The following COL19A1 variants were observed in gnomAD, a reference collection of about 807,000 sequenced individuals.
COL19A1 encodes the protein collagen alpha-1(XIX) chain.
In COL19A1, 159 loss-of-function variants were observed where a neutral mutation model predicts 190.2. That is an observed-to-expected ratio of 0.84 (90% CI 0.73 to 0.95). The LOEUF (loss-of-function observed/expected upper bound fraction) is 0.95. Ranked by LOEUF, COL19A1 falls within the 40% of genes least tolerant of loss-of-function variation. The pLI, the probability that COL19A1 is intolerant of heterozygous loss-of-function variation, is 0.00. For synonymous variants in COL19A1, 509 were observed against 458.9 expected, an observed-to-expected ratio of 1.11 and a Z score of -1.39; for missense variants, 1,418 against 1,431.9, an observed-to-expected ratio of 0.99 and a Z score of 0.16.
At chr6:70,132,521 G>A (rs1266891569) in intron 18 of COL19A1, among the ~76,000 whole-genome samples, 1 of 152,156 alleles carries the variant, frequency 6.6e-6, no homozygotes, top group African/African-American at 2.4e-5. Context: ...AAATTATAAT[G>A]TAATTTAATG....
At chr6:70,091,501 G>A (rs895714525) in intron 15 of COL19A1, among the ~76,000 whole-genome samples, 5 of 152,098 alleles carry the variant, frequency 3.3e-5, no homozygotes, top group Admixed American at 2.0e-4. Flanking sequence ...GCACATGCCA[G>A]CTGAAAGTGG....
intron 9 of COL19A1, among the ~76,000 whole-genome samples, chr6:69,945,744 T>C (rs1315578133): frequency 6.6e-6 from 1 of 152,030 alleles, no homozygotes; most frequent in East Asian, 1.9e-4. Flanking sequence ...AGGTGAAATT[T>C]ACTTGTGGGT....
At chr6:69,921,685 C>T (rs981153031) in intron 4 of COL19A1, among the ~76,000 whole-genome samples, 1 of 140,982 alleles carries the variant, frequency 7.1e-6, no homozygotes, top group Admixed American at 7.3e-5. Flanking sequence ...CGTATATATT[C>T]GTATGTAGAT....
chr6:70,031,144 T>G (rs769668019), intron 12 of COL19A1, among the ~76,000 whole-genome samples: 1 of 152,116 alleles, frequency 6.6e-6, no homozygotes, highest in Non-Finnish European at 1.5e-5. Context: ...CCCCTACTCC[T>G]TACCTGTGTG....
chr6:70,092,456 G>A (rs1782990705), intron 15 of COL19A1, among the ~76,000 whole-genome samples: 2 of 152,076 alleles, frequency 1.3e-5, no homozygotes, highest in Non-Finnish European at 2.9e-5. Context: ...AACACAGCAG[G>A]TAAAACAGAC....
At chr6:70,155,901 A>G (rs1194734298) in intron 31 of COL19A1, among the ~76,000 whole-genome samples, 2 of 152,154 alleles carry the variant, frequency 1.3e-5, no homozygotes, top group East Asian at 1.9e-4. Context: ...TAAAAATAAA[A>G]GTTCATCAAT....
Position 69,929,682 on chromosome 6 carries a change from A to C in COL19A1, c.648A>C (p.Ser216=), listed in dbSNP as rs1772627990. The change falls in exon 6 of 51, where the codon TCA becomes TCC. Residue 216 remains serine (S), a synonymous_variant. Transcript: ENST00000620364. ...GGACAGTTATTGCTACGCGAGCTTC[A>C]GATGGCAAGCCTGTGGATGTAAGTT... is the stretch of plus-strand genomic sequence containing the variant. The part of the protein sequence containing the change: ...HGRTVIATRA[S]DGKPVDIELH... 6.2e-7 allele frequency: 1 copy of C among 1,612,956 alleles called. No homozygotes were observed. The highest frequency in any genetic ancestry group is 1.7e-5 in the Admixed American group (1 of 59,942).
chr6:70,098,395 T>C, intron 15 of COL19A1: 1 of 509,350 alleles, frequency 2.0e-6, no homozygotes, highest in Non-Finnish European at 3.9e-6. Context: ...ATTCTTAAGA[T>C]AAACTGGATG....
At chr6:70,176,365 C>T (rs1023147214) in intron 41 of COL19A1, among the ~76,000 whole-genome samples, 155 bp from the exon 42 acceptor site, 3 of 151,746 alleles carry the variant, frequency 2.0e-5, no homozygotes, top group Admixed American at 1.3e-4. Flanking sequence ...GCTATTTTTC[C>T]ATCTACACAC....
intron 11 of COL19A1, among the ~76,000 whole-genome samples, chr6:69,977,007 A>C (rs1023275064): frequency 6.6e-6 from 1 of 152,188 alleles, no homozygotes; most frequent in Non-Finnish European, 1.5e-5. Context: ...CAGTGTGGCG[A>C]TTCCTCAGGG....
intron 12 of COL19A1, 88 bp downstream of exon 12, chr6:70,023,768 G>A (rs1778580631): frequency 5.8e-6 from 7 of 1,210,134 alleles, no homozygotes; most frequent in Non-Finnish European, 8.1e-6. Flanking sequence ...CCTATTTTTG[G>A]CAGAGCCAGC....
At position 70,003,672 on chromosome 6, in the gene COL19A1, G is replaced by C. The variant is rs533565106; in HGVS notation, c.1027-19955G>C. ...TTTAATCGTAGTTGGTTTAAAGTCTGTTTTGTCAGACTAGGATTGCAACCC... is the reference window on the plus strand; with the variant it reads ...TTTAATCGTAGTTGGTTTAAAGTCTCTTTTGTCAGACTAGGATTGCAACCC... On this transcript the variant is annotated intron_variant, in intron 11 of 50. Coordinates refer to ENST00000620364, the MANE Select transcript of COL19A1 (RefSeq NM_001858.6). Among the ~76,000 whole-genome samples the C allele has an allele frequency of 6.8e-4, 104 of 151,900 alleles. 1 individual carries two copies. Among genetic ancestry groups the C allele is most frequent in the African/African-American group, 2.5e-3 (102 of 41,398 alleles).
intron 16 of COL19A1, among the ~76,000 whole-genome samples, chr6:70,108,906 T>A (rs1286758412): frequency 6.6e-6 from 1 of 152,128 alleles, no homozygotes; most frequent in African/African-American, 2.4e-5. Flanking sequence ...CAATTATACA[T>A]CAGTTTGCAC....
At chr6:70,138,752 T>C (rs535068338) in intron 19 of COL19A1, among the ~76,000 whole-genome samples, 1 of 152,238 alleles carries the variant, frequency 6.6e-6, no homozygotes, top group South Asian at 2.1e-4. Flanking sequence ...GTACCCCAGT[T>C]CTTCTACCTT....
intron 25 of COL19A1, 68 bp from the exon 26 acceptor site, chr6:70,146,591 G>T: frequency 8.3e-7 from 1 of 1,197,814 alleles, no homozygotes; most frequent in Non-Finnish European, 1.2e-6. Context: ...ACATATTTTA[G>T]TTATAACTTC....
chr6:70,096,252 C>G (rs1783265453), intron 15 of COL19A1, among the ~76,000 whole-genome samples: 1 of 139,850 alleles, frequency 7.2e-6, no homozygotes, highest in African/African-American at 2.7e-5. Context: ...CCATGCCCAG[C>G]TAATTTTTGT....
rs775324162 is a variant in COL19A1 at position 70,092,672 on chromosome 6, A to C, written c.1225-9497A>C. Reference sequence around the variant, plus strand: ...TCCTCTAGAGTTCTCTTCATTTGTCAGACAGTTATTGAATGACTGCAAAAT... The same window carrying C: ...TCCTCTAGAGTTCTCTTCATTTGTCCGACAGTTATTGAATGACTGCAAAAT... On this transcript the variant is annotated intron_variant, in intron 15 of 50. Transcript: ENST00000620364. 2.0e-5 allele frequency among the ~76,000 whole-genome samples: 3 copies of C among 152,276 alleles called. No homozygotes were observed. In the South Asian group the frequency reaches 6.2e-4, roughly 32 times the overall value.
intron 11 of COL19A1, among the ~76,000 whole-genome samples, chr6:69,992,190 C>T (rs796651178): frequency 1.5e-4 from 23 of 152,160 alleles, no homozygotes; most frequent in African/African-American, 5.5e-4. Flanking sequence ...TAAGCCTTGT[C>T]GAAAATCAGA....
intron 16 of COL19A1, among the ~76,000 whole-genome samples, chr6:70,109,541 AGTGTGTGTGT>A (rs60219800): frequency 1.6e-3 from 232 of 143,972 alleles, no homozygotes; most frequent in Middle Eastern, 3.5e-3. Context: ...CCGTTTTGTA[AGTGTGTGTGT>A]GTGTGTGTGT....
Sources: allele counts gnomAD v4.1 joint callset (sites outside exome capture counted in the v4.1 genomes callset), GRCh38; gene constraint gnomAD v4.1.1; transcripts MANE v1.5; gene names NCBI Gene and HGNC (gene_info 2026-07-23, HGNC 2026-07-21).